CSMD1: variants seen among roughly 807,000 people sequenced by gnomAD.
CSMD1 encodes CUB and Sushi multiple domains 1.
Under a neutral mutation model 417.5 loss-of-function variants are expected in CSMD1, and 213 were observed. That is an observed-to-expected ratio of 0.51 (90% CI 0.46 to 0.57). CSMD1 has a LOEUF of 0.57. Ranked by LOEUF, CSMD1 falls within the 20% of genes least tolerant of loss-of-function variation. CSMD1 has a pLI of 0.00. For synonymous variants in CSMD1, 2,862 were observed against 1,736.8 expected (o/e 1.65, Z -16.11); for missense variants, 6,923 against 4,529.7 (o/e 1.53, Z -15.17).
chr8:4,241,915 G>C (rs1248878863), intron 3 of CSMD1, among the ~76,000 whole-genome samples: 4 of 152,142 alleles, frequency 2.6e-5, no homozygotes, highest in African/African-American at 9.7e-5. Context: ...ACATCGTGAA[G>C]CTATTTTATA....
At chr8:4,400,967 T>C (rs1006822657) in intron 3 of CSMD1, among the ~76,000 whole-genome samples, 5 of 151,646 alleles carry the variant, frequency 3.3e-5, no homozygotes, top group African/African-American at 1.2e-4. Context: ...ATGTCTTATA[T>C]TCCCTAAGTA....
intron 2 of CSMD1, among the ~76,000 whole-genome samples, chr8:4,450,503 T>C (rs186303080): frequency 1.3e-4 from 20 of 152,070 alleles, no homozygotes; most frequent in Admixed American, 2.0e-4. Flanking sequence ...CGTGTGGTGG[T>C]GCGGGCCTGT....
intron 1 of CSMD1, among the ~76,000 whole-genome samples, chr8:4,655,379 C>T (rs553640004): frequency 8.6e-5 from 13 of 151,718 alleles, no homozygotes; most frequent in Non-Finnish European, 1.9e-4. Context: ...GGAGACCAAA[C>T]AAAACTAAGT....
At chr8:3,673,022 G>A (rs1181646462) in intron 7 of CSMD1, among the ~76,000 whole-genome samples, 1 of 152,082 alleles carries the variant, frequency 6.6e-6, no homozygotes, top group Non-Finnish European at 1.5e-5. Flanking sequence ...CTTGTTTAAG[G>A]TTCATTTCAT....
At chr8:3,734,756 G>C (rs184034390) in intron 6 of CSMD1, among the ~76,000 whole-genome samples, 2 of 152,308 alleles carry the variant, frequency 1.3e-5, no homozygotes, top group Admixed American at 1.3e-4. Flanking sequence ...TAATGTGGCT[G>C]CTTCTTCTGT....
At chr8:4,720,181 T>C (rs1280357016) in intron 1 of CSMD1, among the ~76,000 whole-genome samples, 1 of 150,880 alleles carries the variant, frequency 6.6e-6, no homozygotes. Context: ...TATATATATA[T>C]ATATTTATAT....
intron 23 of CSMD1, among the ~76,000 whole-genome samples, chr8:3,339,777 G>C (rs1049904959): frequency 2.6e-5 from 4 of 152,102 alleles, no homozygotes; most frequent in Non-Finnish European, 4.4e-5. Context: ...TCTGTGTAAG[G>C]TGCGAAGAAG....
chr8:3,504,019 G>A (rs879464635), intron 10 of CSMD1, among the ~76,000 whole-genome samples: 2 of 152,126 alleles, frequency 1.3e-5, no homozygotes, highest in Non-Finnish European at 2.9e-5. Flanking sequence ...CAGTTCCAGT[G>A]TTCGACAGCA....
chr8:3,527,711 C>A lies in CSMD1; in HGVS notation c.1345-33985G>T, dbSNP rs564038371. On this transcript the variant is annotated intron_variant, in intron 10 of 69. Transcript: ENST00000635120. The stretch of plus-strand genomic sequence containing the variant: ...TTGGCTTAGAGCAATGTGACCCTTA[C>A]CACTGGTGGGAGGGGTGGGTGAAAC... Among the ~76,000 whole-genome samples the A allele has an allele frequency of 3.7e-4, 56 of 152,226 alleles. No homozygotes were observed. In the South Asian group the frequency reaches 0.011, roughly 31 times the overall value.
chr8:4,001,518 C>G (rs1289027354), intron 4 of CSMD1, among the ~76,000 whole-genome samples: 1 of 152,122 alleles, frequency 6.6e-6, no homozygotes, highest in African/African-American at 2.4e-5. Context: ...CCCCTGAGTA[C>G]CAACCCTGAT....
chr8:4,442,619 G>C (rs1204518238), intron 2 of CSMD1, among the ~76,000 whole-genome samples: 1 of 152,150 alleles, frequency 6.6e-6, no homozygotes. Context: ...ACAGAAGCAA[G>C]CCCTCTGGAT....
intron 5 of CSMD1, among the ~76,000 whole-genome samples, chr8:3,962,463 C>T (rs1352170671): frequency 1.3e-5 from 2 of 152,158 alleles, no homozygotes; most frequent in Non-Finnish European, 1.5e-5. Context: ...GCATGGATCT[C>T]CTTGGATGTC....
chr8:4,987,545 C>G (rs542536913), intron 1 of CSMD1, among the ~76,000 whole-genome samples: 1 of 152,120 alleles, frequency 6.6e-6, no homozygotes, highest in East Asian at 1.9e-4. Flanking sequence ...GAGGTTGAAG[C>G]TCCCCAAAAT....
chr8:3,861,161 G>A (rs1433690780), intron 5 of CSMD1, among the ~76,000 whole-genome samples: 1 of 152,060 alleles, frequency 6.6e-6, no homozygotes, highest in African/African-American at 2.4e-5. Flanking sequence ...ACTGTCCTTG[G>A]TTCCTTCATG....
intron 18 of CSMD1, among the ~76,000 whole-genome samples, chr8:3,375,413 T>C (rs1810243154): frequency 6.6e-6 from 1 of 152,114 alleles, no homozygotes; most frequent in South Asian, 2.1e-4. Flanking sequence ...TTTCCATCAT[T>C]TTCTTGTTCT....
intron 43 of CSMD1, among the ~76,000 whole-genome samples, chr8:3,109,189 C>A (rs1816343697): frequency 6.6e-6 from 1 of 152,176 alleles, no homozygotes; most frequent in Admixed American, 6.5e-5. Context: ...TGCTTGAACC[C>A]AGGAGGCGCT....
At chr8:4,446,723 GTGTGTGTGTC>G (rs1563183115) in intron 2 of CSMD1, among the ~76,000 whole-genome samples, 2 of 145,650 alleles carry the variant, frequency 1.4e-5, no homozygotes, top group East Asian at 2.1e-4. Context: ...TGAGTTGTGT[GTGTGTGTGTC>G]TGTGTGTGTG....
intron 3 of CSMD1, among the ~76,000 whole-genome samples, chr8:4,287,669 T>TATG (rs1350763884): frequency 6.7e-6 from 1 of 149,584 alleles, no homozygotes; most frequent in African/African-American, 2.4e-5. Context: ...TTATTATTAT[T>TATG]ATTATTATTA....
chr8:4,446,139 T>A (rs1798775202), intron 2 of CSMD1, among the ~76,000 whole-genome samples: 1 of 152,182 alleles, frequency 6.6e-6, no homozygotes, highest in African/African-American at 2.4e-5. Context: ...GTTACATACG[T>A]GAGTTTTGAA....
Sources: gnomAD v4.1 joint callset for allele counts (sites outside exome capture counted in the v4.1 genomes callset) on GRCh38, gnomAD v4.1.1 for gene constraint, MANE v1.5 for transcripts, NCBI Gene and HGNC (gene_info 2026-07-23, HGNC 2026-07-21) for gene names.